PMEL: variants seen among roughly 807,000 people sequenced by gnomAD.
PMEL encodes the protein premelanosome protein.
PMEL carries 53 observed loss-of-function variants against 64.9 expected under a neutral mutation model. That is an observed-to-expected ratio of 0.82 (90% CI 0.66 to 1.03). PMEL has a LOEUF of 1.03. Among genes scored for constraint, PMEL ranks in the 50% least tolerant of loss-of-function variants. The pLI, the probability that PMEL is intolerant of heterozygous loss-of-function variation, is 0.00. For synonymous variants in PMEL, 299 were observed against 316.2 expected (o/e 0.95, Z 0.58); for missense variants, 716 against 814.9 (o/e 0.88, Z 1.48).
At chr12:55,955,889 T>C (rs1376689357) in intron 7 of PMEL, 26 bp from the exon 8 acceptor site, 11 of 1,601,012 alleles carry the variant, frequency 6.9e-6, no homozygotes, top group Non-Finnish European at 9.4e-6. Flanking sequence ...CTTATCAAAT[T>C]AGGATTCCTC....
At chr12:55,965,756 C>T (rs917127713) in intron 1 of PMEL, among the ~76,000 whole-genome samples, 180 bp downstream of exon 1, 1 of 152,160 alleles carries the variant, frequency 6.6e-6, no homozygotes, top group Non-Finnish European at 1.5e-5. Context: ...AGATTATTTT[C>T]AGGCAAAATC....
chr12:55,954,283 A>G lies in PMEL; in HGVS notation c.1917T>C (p.Arg639=). ...GACAAGAGCAGAAGATGCGGGGTAG[A>G]CGCAGCCAGTGACTGCTGCTATGTG... ...QLPHSSSHWL[R]LPRIFCSCPI... Residue 639 remains arginine (R), a synonymous_variant, in exon 11 of 11, where the codon CGT becomes CGC. Coordinates refer to ENST00000548747, the MANE Select transcript of PMEL (RefSeq NM_001384361.1). 5 of 1,613,872 alleles carry G rather than the reference A, an allele frequency of 3.1e-6. No homozygotes were observed. Among genetic ancestry groups the G allele is most frequent in the Non-Finnish European group, 4.2e-6 (5 of 1,179,754 alleles).
rs745437192 is a variant in PMEL, at chr12:55,957,294, G to C, written c.1009C>G (p.Pro337Ala). The change falls in exon 6 of 11, where the codon CCT (proline) becomes GCT (alanine). Residue 337 changes from proline to alanine, a missense_variant. Coordinates refer to ENST00000548747, the MANE Select transcript of PMEL (RefSeq NM_001384361.1). ...GGCTCTGCAGTTGGCGCCTGACCAG[G>C]TGTAGTACCCACAACTTCTGTAGTA... ...VPTTEVVGTT[P>A]GQAPTAEPSG... The C allele has an allele frequency of 6.2e-7, 1 of 1,610,754 alleles. No homozygotes were observed. Among genetic ancestry groups the C allele is most frequent in the Non-Finnish European group, 8.5e-7 (1 of 1,177,580 alleles).
At position 55,962,882 on chromosome 12, in the gene PMEL, G is replaced by T. The variant is rs182525932; in HGVS notation, c.77-1150C>A. Reference sequence around the variant, plus strand: ...TCACATACCATAAAATTTACTTTTAGCCAGGCATGGTGGCTCACATCTGTA... The same window carrying T: ...TCACATACCATAAAATTTACTTTTATCCAGGCATGGTGGCTCACATCTGTA... On this transcript the variant is annotated intron_variant, in intron 1 of 10. Coordinates refer to ENST00000548747, the MANE Select transcript of PMEL (RefSeq NM_001384361.1). 4.4e-3 allele frequency among the ~76,000 whole-genome samples: 674 copies of T among 151,716 alleles called. 4 individuals are homozygous for T. The highest frequency in any genetic ancestry group is 3.8e-3 in the South Asian group (18 of 4,768).
chr12:55,960,246 GAAAA>G (rs138853600), intron 3 of PMEL, among the ~76,000 whole-genome samples: 2 of 142,980 alleles, frequency 1.4e-5, no homozygotes, highest in South Asian at 4.4e-4. Flanking sequence ...GAAAAGAAAA[GAAAA>G]AAAAAGAAAT....
intron 7 of PMEL, 28 bp from the exon 8 acceptor site, chr12:55,955,891 G>A: frequency 6.3e-7 from 1 of 1,597,038 alleles, no homozygotes; most frequent in Non-Finnish European, 8.6e-7. Flanking sequence ...TATCAAATTA[G>A]GATTCCTCTA....
In PMEL at chr12:55,955,790, G is replaced by A. The variant is rs557542824; in HGVS notation, c.1545C>T (p.Ser515=). Residue 515 remains serine (S), a synonymous_variant, in exon 8 of 11, where the codon TCC becomes TCT. Coordinates refer to ENST00000548747, the MANE Select transcript of PMEL (RefSeq NM_001384361.1). ...AGTGAGACACTCACCCGCCTTGGCA[G>A]GACACAGTCAGCTCAAATGCATCCC... The part of the protein sequence containing the change: ...GEGDAFELTV[S]CQGGLPKEAC... 2 of 1,613,878 alleles carry A rather than the reference G, an allele frequency of 1.2e-6. No individual in the cohort carries two copies. The highest frequency in any genetic ancestry group is 4.5e-5 in the East Asian group (2 of 44,878).
chr12:55,958,298 A>T (rs1162793813), intron 4 of PMEL, 175 bp downstream of exon 4: 61 of 792,148 alleles, frequency 7.7e-5, no homozygotes, highest in Non-Finnish European at 9.8e-6. Context: ...GCCAGAAAGA[A>T]TTATGATAGA....
Position 55,960,537 on chromosome 12 carries a change from GTTTTTTT to G in PMEL, c.334+773_334+779del, listed in dbSNP as rs760692409. 8.3e-3 allele frequency among the ~76,000 whole-genome samples: 806 copies of G among 97,300 alleles called. 2 individuals are homozygous for G. Among genetic ancestry groups the G allele is most frequent in the African/African-American group, 0.016 (356 of 22,140 alleles). 63.8% of individuals were successfully genotyped at this position (97,300 alleles called of 152,430 possible). A position where few individuals can be genotyped will look rare whatever the true frequency, so the allele number is the denominator to read the frequency against. On this transcript the variant is annotated intron_variant, in intron 3 of 10. Transcript: ENST00000548747. ...TAATTTTCTTTTCTTTTTGCTTTCT[GTTTTTTT>G]TTTTTTTTTTTTTTTTGAAATGGAG...
At chr12:55,964,863 C>T (rs982884115) in intron 1 of PMEL, among the ~76,000 whole-genome samples, 1 of 150,322 alleles carries the variant, frequency 6.7e-6, no homozygotes, top group East Asian at 2.0e-4. Flanking sequence ...GTGATCCACC[C>T]GTCTCAGCCT....
Position 55,958,224 on chromosome 12 carries a change from G to C in PMEL, c.470-140C>G. 5 of 924,428 alleles carry C rather than the reference G, an allele frequency of 5.4e-6. No homozygotes were observed. The Admixed American group carries it at 1.0e-4, about 19-fold the overall frequency. The allele number at this position is 924,428 out of a possible 1,614,324, so 57.3% of individuals were successfully genotyped here. On this transcript the variant is annotated intron_variant, in intron 4 of 10. Coordinates refer to ENST00000548747, the MANE Select transcript of PMEL (RefSeq NM_001384361.1). ...AGGGTGTTTGGAAGGCTGTGATATGGGGGGACAGGGAAGGGGTCCTAATGA... is the reference window on the plus strand; with the variant it reads ...AGGGTGTTTGGAAGGCTGTGATATGCGGGGACAGGGAAGGGGTCCTAATGA...
At chr12:55,958,442 T>C in intron 4 of PMEL, 31 bp downstream of exon 4, 1 of 1,606,604 alleles carries the variant, frequency 6.2e-7, no homozygotes, top group South Asian at 1.1e-5. Context: ...AACACAAGTG[T>C]GGATGATAGG....
intron 3 of PMEL, among the ~76,000 whole-genome samples, chr12:55,959,193 A>T (rs772915523): frequency 1.5e-4 from 23 of 151,534 alleles, no homozygotes; most frequent in South Asian, 4.2e-4. Context: ...CAGCCTGATC[A>T]ACATAGCAAG....
intron 1 of PMEL, among the ~76,000 whole-genome samples, chr12:55,964,572 C>A (rs922694296): frequency 2.0e-5 from 3 of 152,076 alleles, no homozygotes; most frequent in African/African-American, 7.2e-5. Flanking sequence ...TCCCAAAGTG[C>A]TGGGATTACA....
chr12:55,958,603 G>C lies in PMEL; in HGVS notation c.339C>G (p.Ser113Arg). The change falls in exon 4 of 11, where the codon AGC becomes AGG. Residue 113 changes from serine (S) to arginine (R), a missense_variant. Transcript: ENST00000548747. ...ACACTGGCTGTCCTCCCCACACCTGGCTCCCTGAAAGATAAATACAGAGTC... is the reference window on the plus strand; with the variant it reads ...ACACTGGCTGTCCTCCCCACACCTGCCTCCCTGAAAGATAAATACAGAGTC... ...IWVNNTIING[S>R]QVWGGQPVYP... 1 of 1,613,288 alleles carries C rather than the reference G, an allele frequency of 6.2e-7. No individual in the cohort carries two copies. Among genetic ancestry groups the C allele is most frequent in the Non-Finnish European group, 8.5e-7 (1 of 1,179,712 alleles).
Position 55,961,378 on chromosome 12 carries a change from A to G in PMEL, c.273T>C (p.Pro91=), listed in dbSNP as rs758120262. The change falls in exon 3 of 11, where the codon CCT becomes CCC. Residue 91 remains proline, a synonymous_variant. Coordinates refer to ENST00000548747, the MANE Select transcript of PMEL (RefSeq NM_001384361.1). ...CATCTGGCAATACCTTTTGGCTTCC[A>G]GGGAAGTTCAAGGCAATAGAGAAGG... ...NASFSIALNF[P]GSQKVLPDGQ... is the part of the protein sequence containing the mutation. 4 of 1,614,168 alleles carry G rather than the reference A, an allele frequency of 2.5e-6. No individual in the cohort carries two copies. The highest frequency in any genetic ancestry group is 3.4e-6 in the Non-Finnish European group (4 of 1,180,006).
In PMEL at chr12:55,956,265, CA is replaced by C. The variant is rs748146471; in HGVS notation, c.1355-47del. ...AGGCAAGATCAAGAGACAGATGACT[CA>C]TCTGGAGGCAGAGGCCAAGCAGGCA... On this transcript the variant is annotated intron_variant, in intron 6 of 10. Coordinates refer to ENST00000548747, the MANE Select transcript of PMEL (RefSeq NM_001384361.1). The C allele has an allele frequency of 4.9e-6, 6 of 1,233,912 alleles. No homozygotes were observed. The African/African-American group carries it at 8.9e-5, about 18-fold the overall frequency. The allele number at this position is 1,233,912 out of a possible 1,614,324, so 76.4% of individuals were successfully genotyped here.
upstream of PMEL, chr12:55,966,383 G>C (rs1055493363): frequency 1.3e-5 from 3 of 237,292 alleles, no homozygotes; most frequent in African/African-American, 6.8e-5. Context: ...AACAGAGACA[G>C]TGTCGGGGTA....
Position 55,955,809 on chromosome 12 carries a change from G to A in PMEL, c.1526C>T (p.Ala509Val). ...LQAVPSGEGDAFELTVSCQGG... is the reference protein window; with the variant it reads ...LQAVPSGEGDVFELTVSCQGG... ...TTGGCAGGACACAGTCAGCTCAAATGCATCCCCCTCACCGGACGGCACAGC... is the reference window on the plus strand; with the variant it reads ...TTGGCAGGACACAGTCAGCTCAAATACATCCCCCTCACCGGACGGCACAGC... Residue 509 changes from alanine to valine, a missense_variant, in exon 8 of 11, where the codon GCA (alanine) becomes GTA (valine). Ala to Val is a moderately conservative substitution (Grantham distance 64, BLOSUM62 0). Transcript: ENST00000548747. 3.1e-6 allele frequency: 5 copies of A among 1,614,014 alleles called. No individual in the cohort carries two copies. The highest frequency in any genetic ancestry group is 4.2e-6 in the Non-Finnish European group (5 of 1,179,898).
Sources: gnomAD v4.1 joint callset for allele counts (sites outside exome capture counted in the v4.1 genomes callset) on GRCh38, gnomAD v4.1.1 for gene constraint, MANE v1.5 for transcripts, NCBI Gene and HGNC (gene_info 2026-07-23, HGNC 2026-07-21) for gene names.